LRRTM4: variants seen among roughly 807,000 people sequenced by gnomAD.
LRRTM4 encodes the protein leucine rich repeat transmembrane neuronal 4, also known as leucine-rich repeat transmembrane neuronal protein 4.
LRRTM4 carries 25 observed loss-of-function variants against 47.6 expected under a neutral mutation model. The ratio of observed to expected loss-of-function variants is 0.53; its 90% CI spans 0.38 to 0.73. LRRTM4 has a LOEUF of 0.73. Ranked by LOEUF, LRRTM4 falls within the 30% of genes least tolerant of loss-of-function variation. The probability of loss-of-function intolerance (pLI) is 0.00; values close to 1 mark genes in which losing one functional copy is unlikely to be tolerated. For missense variants in LRRTM4, 638 were observed against 713.4 expected, an observed-to-expected ratio of 0.89 and a Z score of 1.20; for synonymous variants, 311 against 269.5, an observed-to-expected ratio of 1.15 and a Z score of -1.51.
At chr2:76,974,101 C>A (rs1024520514) in intron 3 of LRRTM4, among the ~76,000 whole-genome samples, 13 of 149,370 alleles carry the variant, frequency 8.7e-5, no homozygotes, top group African/African-American at 2.9e-4. Context: ...GTTTCTAAAG[C>A]TGAATTACAT....
chr2:77,053,124 C>G (rs370555279), intron 3 of LRRTM4, among the ~76,000 whole-genome samples: 4 of 152,018 alleles, frequency 2.6e-5, no homozygotes, highest in African/African-American at 4.8e-5. Context: ...TTAAAGAAAC[C>G]GTAACTAGTA....
intron 3 of LRRTM4, among the ~76,000 whole-genome samples, chr2:77,495,468 C>G (rs1015047099): frequency 6.6e-6 from 1 of 152,068 alleles, no homozygotes; most frequent in African/African-American, 2.4e-5. Context: ...AAATACTTGC[C>G]TAACGTAAGG....
chr2:76,855,744 T>C (rs1672130615), intron 3 of LRRTM4, among the ~76,000 whole-genome samples: 1 of 152,110 alleles, frequency 6.6e-6, no homozygotes. Flanking sequence ...CACTGTCCTG[T>C]AGGCATATTT....
At chr2:76,820,140 C>G (rs1013673099) in intron 3 of LRRTM4, among the ~76,000 whole-genome samples, 1 of 151,908 alleles carries the variant, frequency 6.6e-6, no homozygotes, top group African/African-American at 2.4e-5. Context: ...TTTGGTCATG[C>G]AACTATGATG....
At chr2:77,093,119 CT>C (rs1282757348) in intron 3 of LRRTM4, among the ~76,000 whole-genome samples, 1 of 147,202 alleles carries the variant, frequency 6.8e-6, no homozygotes, top group Non-Finnish European at 1.5e-5. Flanking sequence ...TATCTTCTGT[CT>C]AGTCATACTC....
chr2:76,799,145 C>A (rs1365323850), intron 3 of LRRTM4, among the ~76,000 whole-genome samples: 1 of 141,590 alleles, frequency 7.1e-6, no homozygotes, highest in Non-Finnish European at 1.5e-5. Context: ...AGAGACACAA[C>A]CAAAAAAGAG....
At chr2:76,772,946 T>C (rs542315598) in intron 3 of LRRTM4, 66 of 152,314 alleles carry the variant, frequency 4.3e-4, no homozygotes, top group African/African-American at 1.5e-3. Context: ...CCTGATCTCA[T>C]CTGATCTCAA....
At chr2:76,948,077 A>G (rs1675380636) in intron 3 of LRRTM4, among the ~76,000 whole-genome samples, 1 of 151,882 alleles carries the variant, frequency 6.6e-6, no homozygotes, top group African/African-American at 2.4e-5. Flanking sequence ...GCTTTGAGTC[A>G]AGAGAGAGAT....
At chr2:76,851,332 C>T (rs975540377) in intron 3 of LRRTM4, among the ~76,000 whole-genome samples, 2 of 152,158 alleles carry the variant, frequency 1.3e-5, no homozygotes, top group African/African-American at 4.8e-5. Context: ...AAAAGCTTAA[C>T]AACCACTTTA....
Position 77,334,303 on chromosome 2 carries a change from T to C in LRRTM4, c.1551+184015A>G, listed in dbSNP as rs1671081126. On this transcript the variant is annotated intron_variant, in intron 3 of 3. Coordinates refer to ENST00000409884, the MANE Select transcript of LRRTM4 (RefSeq NM_001134745.3). ...GCTTTTGAAATATGAGGAAATGAGA[T>C]TTAGGAGTGGCCAGGGGAGGAATGA... Among the ~76,000 whole-genome samples, 4 of 151,880 alleles carry C rather than the reference T, an allele frequency of 2.6e-5. No homozygotes were observed. The South Asian group carries it at 8.3e-4, about 32-fold the overall frequency.
At chr2:77,346,962 G>T (rs1671586265) in intron 3 of LRRTM4, among the ~76,000 whole-genome samples, 1 of 152,116 alleles carries the variant, frequency 6.6e-6, no homozygotes, top group Non-Finnish European at 1.5e-5. Context: ...TCCCACAGAT[G>T]CACTCTGCAC....
intron 3 of LRRTM4, among the ~76,000 whole-genome samples, chr2:77,281,281 G>A (rs1213809629): frequency 6.6e-6 from 1 of 151,854 alleles, no homozygotes; most frequent in Non-Finnish European, 1.5e-5. Context: ...TCATTCTTAG[G>A]ATTGAAGAAT....
chr2:77,413,000 T>C (rs963499438), intron 3 of LRRTM4, among the ~76,000 whole-genome samples: 2 of 152,202 alleles, frequency 1.3e-5, no homozygotes, highest in Non-Finnish European at 2.9e-5. Context: ...ACATCTTCTC[T>C]ACTGAGGCTC....
At chr2:77,041,840 A>G (rs1679045169) in intron 3 of LRRTM4, among the ~76,000 whole-genome samples, 1 of 150,164 alleles carries the variant, frequency 6.7e-6, no homozygotes, top group East Asian at 2.0e-4. Flanking sequence ...CAAAAACCGC[A>G]ATGACTTTTG....
rs1345917069 is a variant in LRRTM4, at chr2:77,477,893, AAAAGAAAGAAAAAGAAAGAAAGAAAG to A, written c.1551+40399_1551+40424del. ...AGAAAGAAAGAAAGAGAAAGAAAGAAAAAGAAAGAAAAAGAAAGAAAGAAAGAAAGAAAGAAAGAAAGAAAGAAAGA... is the reference window on the plus strand; with the variant it reads ...AGAAAGAAAGAAAGAGAAAGAAAGAAAAAGAAAGAAAGAAAGAAAGAAAGA... On this transcript the variant is annotated intron_variant, in intron 3 of 3. Coordinates refer to ENST00000409884, the MANE Select transcript of LRRTM4 (RefSeq NM_001134745.3). Among the ~76,000 whole-genome samples the A allele has an allele frequency of 6.7e-3, 765 of 114,506 alleles. 8 individuals carry two copies. Among genetic ancestry groups the A allele is most frequent in the African/African-American group, 0.011 (314 of 29,776 alleles). 75.1% of individuals were successfully genotyped at this position (114,506 alleles called of 152,430 possible).
At chr2:77,055,241 A>C (rs1003193107) in intron 3 of LRRTM4, among the ~76,000 whole-genome samples, 1 of 152,330 alleles carries the variant, frequency 6.6e-6, no homozygotes, top group African/African-American at 2.4e-5. Context: ...CAAAATAAAA[A>C]GATACCACAG....
At chr2:76,797,444 C>G (rs552192119) in intron 3 of LRRTM4, among the ~76,000 whole-genome samples, 1 of 151,878 alleles carries the variant, frequency 6.6e-6, no homozygotes, top group South Asian at 2.1e-4. Context: ...CAGGCCTGCC[C>G]TAAAAGAGCT....
chr2:77,227,113 C>G (rs1439655498), intron 3 of LRRTM4, among the ~76,000 whole-genome samples: 2 of 151,958 alleles, frequency 1.3e-5, no homozygotes, highest in Non-Finnish European at 2.9e-5. Context: ...AGTTGTTGCT[C>G]CATGACTATG....
intron 3 of LRRTM4, among the ~76,000 whole-genome samples, chr2:76,794,966 T>G (rs1342482673): frequency 1.3e-5 from 2 of 152,158 alleles, no homozygotes; most frequent in African/African-American, 4.8e-5. Flanking sequence ...AATATCTTAA[T>G]CTAAGGGTGG....
Sources: allele counts gnomAD v4.1 joint callset (sites outside exome capture counted in the v4.1 genomes callset), GRCh38; gene constraint gnomAD v4.1.1; transcripts MANE v1.5; gene names NCBI Gene and HGNC (gene_info 2026-07-23, HGNC 2026-07-21).